The following PROM1 variants were observed in gnomAD, a reference collection of about 807,000 sequenced individuals.
PROM1 encodes the protein prominin 1, also known as prominin-1.
A neutral mutation model predicts 116.9 loss-of-function variants in PROM1; 105 were observed. The observed-to-expected ratio is 0.90, with a 90% CI of 0.77 to 1.06. PROM1 has a LOEUF of 1.06. Among genes scored for constraint, PROM1 ranks in the 50% least tolerant of loss-of-function variants. The pLI is 0.00. For missense variants in PROM1, 1,122 were observed against 1,045.2 expected, an observed-to-expected ratio of 1.07 and a Z score of -1.01; for synonymous variants, 393 against 387.0, an observed-to-expected ratio of 1.02 and a Z score of -0.18.
intron 19 of PROM1, among the ~76,000 whole-genome samples, chr4:15,988,775 T>G (rs1720176678): frequency 6.9e-6 from 1 of 145,340 alleles, no homozygotes. Flanking sequence ...TACAGAAAAT[T>G]GTAAATAGCA....
At chr4:16,067,271 C>CCT (rs1017799187) in intron 2 of PROM1, among the ~76,000 whole-genome samples, 26 of 152,324 alleles carry the variant, frequency 1.7e-4, no homozygotes, top group African/African-American at 6.3e-4. Flanking sequence ...TGACCCTAGA[C>CCT]ACTCCTTAGC....
intron 23 of PROM1, among the ~76,000 whole-genome samples, chr4:15,983,543 GC>G (rs1468286862): frequency 3.9e-5 from 6 of 152,152 alleles, no homozygotes; most frequent in African/African-American, 1.4e-4. Context: ...GGCGGCGTGT[GC>G]CCATCTCCAG....
rs752194476 is a variant in PROM1, at chr4:16,033,488, T to TC, written c.324dup (p.Ile109AspfsTer29). 1 of 1,604,680 alleles carries TC rather than the reference T, an allele frequency of 6.2e-7. No individual in the cohort carries two copies. The highest frequency in any genetic ancestry group is 1.1e-5 in the South Asian group (1 of 89,344). On this transcript the variant is annotated frameshift_variant, in exon 5 of 28. Transcript: ENST00000447510. LOFTEE classifies it high-confidence loss of function. Reference sequence around the variant, plus strand: ...AGCCCCAGGACACAGCATAGAATAATCCCTGCTTCATAGTAGACAATCTGC... The same window carrying TC: ...AGCCCCAGGACACAGCATAGAATAATCCCCTGCTTCATAGTAGACAATCTGC...
intron 2 of PROM1, among the ~76,000 whole-genome samples, chr4:16,043,044 T>TA (rs1735703569): frequency 6.6e-6 from 1 of 152,264 alleles, no homozygotes; most frequent in African/African-American, 2.4e-5. Context: ...TCGTTCTTTT[T>TA]AAATGAATTG....
At chr4:16,061,297 C>T (rs535172681) in intron 2 of PROM1, among the ~76,000 whole-genome samples, 5 of 152,270 alleles carry the variant, frequency 3.3e-5, no homozygotes, top group South Asian at 2.1e-4. Context: ...ACAACAACAA[C>T]GGAATGTCAA....
intron 23 of PROM1, among the ~76,000 whole-genome samples, chr4:15,983,302 C>T (rs752378400): frequency 5.9e-5 from 9 of 152,160 alleles, no homozygotes; most frequent in South Asian, 2.1e-4. Flanking sequence ...GTTCCAACAG[C>T]GTGAAGGGCT....
intron 2 of PROM1, among the ~76,000 whole-genome samples, chr4:16,049,825 C>A (rs1309016743): frequency 1.3e-5 from 2 of 152,076 alleles, no homozygotes; most frequent in Non-Finnish European, 2.9e-5. Context: ...TCTGCCACTG[C>A]AGGCTTCAGC....
intron 5 of PROM1, among the ~76,000 whole-genome samples, chr4:16,031,526 G>A (rs1049551535): frequency 6.6e-6 from 1 of 152,086 alleles, no homozygotes; most frequent in Non-Finnish European, 1.5e-5. Flanking sequence ...CTACTGACCT[G>A]ATCCCAAACT....
At chr4:15,981,154 G>A (rs904917359) in intron 23 of PROM1, among the ~76,000 whole-genome samples, 6 of 150,564 alleles carry the variant, frequency 4.0e-5, no homozygotes, top group Non-Finnish European at 7.4e-5. Flanking sequence ...GTAGAGACGG[G>A]GTTTCACCGG....
At chr4:15,975,518 C>T (rs996687634) in intron 26 of PROM1, among the ~76,000 whole-genome samples, 3 of 152,198 alleles carry the variant, frequency 2.0e-5, no homozygotes, top group Non-Finnish European at 4.4e-5. Flanking sequence ...CACACCCAGC[C>T]TCAAAGCTCT....
chr4:16,018,401 C>A lies in PROM1; in HGVS notation c.924G>T (p.Leu308Phe), dbSNP rs1728957195. Residue 308 changes from leucine to phenylalanine, a missense_variant, in exon 9 of 28, where the codon TTG (leucine) becomes TTT (phenylalanine). Coordinates refer to ENST00000447510, the MANE Select transcript of PROM1 (RefSeq NM_006017.3). The stretch of plus-strand genomic sequence containing the variant: ...TGCAGGTTTCACTTGATGGATGCAC[C>A]AAGCACAGAGGGTCATTGAGAGATG... ...LRSSLNDPLC[L>F]VHPSSETCNS... is the part of the protein sequence containing the mutation. 1 of 1,613,728 alleles carries A rather than the reference C, an allele frequency of 6.2e-7. No individual in the cohort carries two copies. The highest frequency in any genetic ancestry group is 1.1e-5 in the South Asian group (1 of 91,074).
At chr4:15,996,512 A>AAAATAAAT (rs34403866) in intron 15 of PROM1, among the ~76,000 whole-genome samples, 23 of 149,612 alleles carry the variant, frequency 1.5e-4, no homozygotes, top group African/African-American at 5.2e-4. Flanking sequence ...TCCATCTCAG[A>AAAATAAAT]AAATAAATAA....
chr4:16,041,163 C>T (rs1036629501), intron 2 of PROM1, among the ~76,000 whole-genome samples: 3 of 152,016 alleles, frequency 2.0e-5, no homozygotes, highest in Middle Eastern at 3.2e-3. Flanking sequence ...GGTGCAAAGG[C>T]GGTGGTAGAT....
At chr4:16,059,145 T>C (rs1739715265) in intron 2 of PROM1, among the ~76,000 whole-genome samples, 1 of 152,164 alleles carries the variant, frequency 6.6e-6, no homozygotes, top group Non-Finnish European at 1.5e-5. Flanking sequence ...TATTATGTAA[T>C]AGCCTAGTCT....
intron 12 of PROM1, 43 bp downstream of exon 12, chr4:16,008,906 A>C (rs921906041): frequency 2.0e-6 from 3 of 1,503,210 alleles, no homozygotes; most frequent in Non-Finnish European, 2.7e-6. Flanking sequence ...CGTTCTCTAC[A>C]AAGTTCACTC....
intron 12 of PROM1, 30 bp downstream of exon 12, chr4:16,008,918 CG>C (rs780908774): frequency 2.6e-6 from 4 of 1,533,776 alleles, no homozygotes; most frequent in Non-Finnish European, 3.6e-6. Context: ...AGTTCACTCT[CG>C]TAGTTCACCA....
At chr4:16,054,090 T>C (rs1483466981) in intron 2 of PROM1, among the ~76,000 whole-genome samples, 1 of 152,146 alleles carries the variant, frequency 6.6e-6, no homozygotes, top group Non-Finnish European at 1.5e-5. Context: ...CAAGACTCTG[T>C]CTCGAACAAA....
intron 13 of PROM1, among the ~76,000 whole-genome samples, chr4:16,002,352 C>T (rs960931265): frequency 6.6e-6 from 1 of 152,178 alleles, no homozygotes; most frequent in Non-Finnish European, 1.5e-5. Context: ...TTTTCTCTAG[C>T]AGTGCTTAGC....
At chr4:16,003,220 A>G (rs1724319853) in intron 13 of PROM1, 2 of 451,340 alleles carry the variant, frequency 4.4e-6, no homozygotes, top group Admixed American at 2.4e-5. Flanking sequence ...TGGATGTGTC[A>G]TAACTCACTT....
Sources: allele counts gnomAD v4.1 joint callset (sites outside exome capture counted in the v4.1 genomes callset), GRCh38; gene constraint gnomAD v4.1.1; transcripts MANE v1.5; gene names NCBI Gene and HGNC (gene_info 2026-07-23, HGNC 2026-07-21).